Variants in RAD54L2 observed in about 807,000 individuals in gnomAD.
The protein encoded by RAD54L2 is helicase ARIP4.
A neutral mutation model predicts 138.4 loss-of-function variants in RAD54L2; 27 were observed. The observed-to-expected ratio is 0.20, with a 90% CI of 0.14 to 0.27. The LOEUF (loss-of-function observed/expected upper bound fraction) is 0.27. Ranked by LOEUF, RAD54L2 falls within the 10% of genes least tolerant of loss-of-function variation. RAD54L2 has a pLI of 1.00. For synonymous variants in RAD54L2, 644 were observed against 723.2 expected (o/e 0.89, Z 1.76); for missense variants, 1,396 against 1,890.2 (o/e 0.74, Z 4.85).
At chr3:51,655,209 T>G (rs995308593) in intron 19 of RAD54L2, among the ~76,000 whole-genome samples, 45 of 117,176 alleles carry the variant, frequency 3.8e-4, no homozygotes, top group African/African-American at 1.2e-3. Context: ...TCTTAAGGGT[T>G]TTTTTTTTTC....
chr3:51,631,488 A>G (rs1026215941), intron 7 of RAD54L2, among the ~76,000 whole-genome samples: 3 of 143,152 alleles, frequency 2.1e-5, no homozygotes, highest in Non-Finnish European at 4.5e-5. Flanking sequence ...CTATAGGCCT[A>G]TACCACCACA....
At chr3:51,556,172 G>T (rs1337797829) in intron 2 of RAD54L2, among the ~76,000 whole-genome samples, 2 of 152,042 alleles carry the variant, frequency 1.3e-5, no homozygotes, top group African/African-American at 2.4e-5. Context: ...TTAGCTCTGT[G>T]CCTCTCATGG....
intron 2 of RAD54L2, among the ~76,000 whole-genome samples, chr3:51,562,933 C>A (rs181491569): frequency 1.2e-4 from 18 of 152,316 alleles, no homozygotes; most frequent in Non-Finnish European, 4.4e-5. Flanking sequence ...GCCACCGAGT[C>A]TGGCCAGAAA....
chr3:51,576,456 G>A (rs556152295), intron 2 of RAD54L2, among the ~76,000 whole-genome samples: 2 of 152,080 alleles, frequency 1.3e-5, no homozygotes, highest in Non-Finnish European at 2.9e-5. Context: ...AGTAGGATTC[G>A]GCTCTGAATC....
chr3:51,606,400 T>G (rs530325799), intron 3 of RAD54L2, among the ~76,000 whole-genome samples: 8 of 152,150 alleles, frequency 5.3e-5, no homozygotes, highest in Non-Finnish European at 8.8e-5. Flanking sequence ...TTAGGTATAC[T>G]CTTTAGGTAC....
chr3:51,644,770 G>A (rs769995988), intron 16 of RAD54L2, among the ~76,000 whole-genome samples: 7 of 152,144 alleles, frequency 4.6e-5, no homozygotes, highest in East Asian at 1.9e-4. Context: ...GCCAGGATGC[G>A]GGGGCCTTAC....
intron 3 of RAD54L2, among the ~76,000 whole-genome samples, chr3:51,608,344 T>C (rs1023021904): frequency 7.0e-6 from 1 of 141,910 alleles, no homozygotes; most frequent in Non-Finnish European, 1.5e-5. Context: ...CTTCACAGAC[T>C]GCGCCGCTGG....
At chr3:51,598,632 T>A (rs1700021466) in intron 3 of RAD54L2, among the ~76,000 whole-genome samples, 1 of 152,040 alleles carries the variant, frequency 6.6e-6, no homozygotes, top group African/African-American at 2.4e-5. Flanking sequence ...GGTGCACGCC[T>A]GTAATCCCAG....
chr3:51,649,311 A>G (rs1406417428), intron 19 of RAD54L2, among the ~76,000 whole-genome samples: 1 of 152,200 alleles, frequency 6.6e-6, no homozygotes, highest in Non-Finnish European at 1.5e-5. Flanking sequence ...TGAAAAGACC[A>G]AATCTACGTT....
intron 3 of RAD54L2, 24 bp downstream of exon 3, chr3:51,590,583 A>G: frequency 6.4e-7 from 1 of 1,552,376 alleles, no homozygotes. Flanking sequence ...ATTGAGTGAC[A>G]GAAGTTGCCT....
chr3:51,541,785 A>G (rs1411576446), intron 2 of RAD54L2, 135 bp downstream of exon 2: 1 of 152,204 alleles, frequency 6.6e-6, no homozygotes, highest in Non-Finnish European at 1.5e-5. Flanking sequence ...TTTGCTGTCT[A>G]TCTCTCTGTG....
At chr3:51,563,276 G>T (rs183322780) in intron 2 of RAD54L2, among the ~76,000 whole-genome samples, 109 of 152,262 alleles carry the variant, frequency 7.2e-4, no homozygotes, top group South Asian at 3.9e-3. Context: ...GGATGTAAAC[G>T]TATTAACAAG....
intron 2 of RAD54L2, among the ~76,000 whole-genome samples, chr3:51,571,904 A>G (rs1426407648): frequency 6.6e-6 from 1 of 152,060 alleles, no homozygotes; most frequent in African/African-American, 2.4e-5. Flanking sequence ...TACTTGCAAA[A>G]TCTGTAGTCT....
intron 2 of RAD54L2, among the ~76,000 whole-genome samples, chr3:51,555,656 G>A (rs1448469396): frequency 6.6e-6 from 1 of 152,142 alleles, no homozygotes; most frequent in Admixed American, 6.6e-5. Flanking sequence ...AGACCAAGCT[G>A]TAACTCAACC....
At chr3:51,558,284 G>C (rs1699020197) in intron 2 of RAD54L2, among the ~76,000 whole-genome samples, 1 of 152,048 alleles carries the variant, frequency 6.6e-6, no homozygotes, top group Non-Finnish European at 1.5e-5. Context: ...TCTGTCAGTT[G>C]GCTCCTGTTT....
At chr3:51,592,824 C>T (rs1422545354) in intron 3 of RAD54L2, among the ~76,000 whole-genome samples, 2 of 152,114 alleles carry the variant, frequency 1.3e-5, no homozygotes, top group East Asian at 3.9e-4. Flanking sequence ...ATTCACCTGC[C>T]TCGGCTTCCC....
chr3:51,661,617 C>G (rs1701776505), intron 22 of RAD54L2, among the ~76,000 whole-genome samples: 1 of 152,210 alleles, frequency 6.6e-6, no homozygotes, highest in African/African-American at 2.4e-5. Flanking sequence ...ATCCTCCCAC[C>G]CCTGAGCTAG....
At chr3:51,627,438 C>T in intron 3 of RAD54L2, 115 bp from the exon 4 acceptor site, 2 of 982,540 alleles carry the variant, frequency 2.0e-6, no homozygotes, top group Non-Finnish European at 3.1e-6. Context: ...AAGAATTTGC[C>T]TTAGATTACC....
intron 3 of RAD54L2, among the ~76,000 whole-genome samples, chr3:51,595,917 CT>C (rs1699948324): frequency 6.8e-6 from 1 of 146,894 alleles, no homozygotes; most frequent in Non-Finnish European, 1.5e-5. Flanking sequence ...GTTTTTCTTT[CT>C]TTCATTCATT....
Sources: allele counts gnomAD v4.1 joint callset (sites outside exome capture counted in the v4.1 genomes callset), GRCh38; gene constraint gnomAD v4.1.1; transcripts MANE v1.5; gene names NCBI Gene and HGNC (gene_info 2026-07-23, HGNC 2026-07-21).